ZNG1F: variants seen among roughly 807,000 people sequenced by gnomAD.
The protein encoded by ZNG1F is zinc-regulated GTPase metalloprotein activator 1F.
At chr9:41,183,586 C>T in the ZNG1F span, 1 of 1,596,414 alleles carries the variant, frequency 6.3e-7, no homozygotes, top group Middle Eastern at 1.7e-4. Context: ...CAGAGGCAAC[C>T]GTTTCTAAGT....
At chr9:41,158,830 T>G in the ZNG1F span, 40 of 65,112 alleles carry the variant, frequency 6.1e-4, no homozygotes, top group African/African-American at 2.3e-3. Flanking sequence ...CCTTTGGAGA[T>G]AAAACCATGA....
the ZNG1F span, chr9:41,183,453 CA>C: frequency 2.5e-6 from 3 of 1,196,490 alleles, no homozygotes; most frequent in Non-Finnish European, 3.4e-6. Flanking sequence ...TTTGAAAATA[CA>C]ATGAAGCAAA....
the ZNG1F span, among the ~76,000 whole-genome samples, chr9:41,193,081 T>C: frequency 1.5e-5 from 2 of 136,804 alleles, no homozygotes; most frequent in Non-Finnish European, 3.2e-5. Flanking sequence ...GCCCATTTTA[T>C]AGATGAGGAA....
At chr9:41,131,853 C>CA in the ZNG1F span, 1 of 384,218 alleles carries the variant, frequency 2.6e-6, no homozygotes, top group African/African-American at 3.4e-5. Flanking sequence ...GCAAACAAAA[C>CA]AAAATATGAC....
At chr9:41,199,901 T>A in the ZNG1F span, among the ~76,000 whole-genome samples, 4 of 147,232 alleles carry the variant, frequency 2.7e-5, no homozygotes, top group Non-Finnish European at 6.0e-5. Flanking sequence ...GCTCCTTTCA[T>A]TCATGGCTGG....
chr9:41,152,493 CA>C, the ZNG1F span, among the ~76,000 whole-genome samples: 1 of 141,388 alleles, frequency 7.1e-6, no homozygotes, highest in Non-Finnish European at 1.6e-5. Flanking sequence ...AGCTCTGCAC[CA>C]AGCAGACCTA....
At chr9:41,188,104 A>G in the ZNG1F span, 1 of 13,398 alleles carries the variant, frequency 7.5e-5, no homozygotes, top group South Asian at 4.2e-4. Context: ...CAGCCTCTGA[A>G]TAACTGTGGG....
At chr9:41,158,759 C>T in the ZNG1F span, 1 of 83,596 alleles carries the variant, frequency 1.2e-5, no homozygotes, top group Non-Finnish European at 2.4e-5. Context: ...AAAAGAAATT[C>T]TTCACTCATT....
At chr9:41,135,811 CT>C in the ZNG1F span, among the ~76,000 whole-genome samples, 1 of 134,988 alleles carries the variant, frequency 7.4e-6, no homozygotes, top group Non-Finnish European at 1.6e-5. Flanking sequence ...ACTCTCCTGA[CT>C]TTTCCTTTTG....
chr9:41,162,686 C>A, the ZNG1F span, among the ~76,000 whole-genome samples: 5 of 93,224 alleles, frequency 5.4e-5, 2 homozygotes, highest in African/African-American at 1.7e-4. Flanking sequence ...AAAAATCATT[C>A]ATAAATAGTC....
chr9:41,196,704 A>T, the ZNG1F span, among the ~76,000 whole-genome samples: 2 of 86,378 alleles, frequency 2.3e-5, no homozygotes, highest in South Asian at 4.1e-4. Flanking sequence ...TAAAATATAT[A>T]TACACACACA....
At chr9:41,204,388 T>TTATATATATATATATATA in the ZNG1F span, among the ~76,000 whole-genome samples, 2 of 20,226 alleles carry the variant, frequency 9.9e-5, no homozygotes, top group African/African-American at 2.4e-4. Context: ...AATTTTTATT[T>TTATATATATATATATATA]TATATATATA....
chr9:41,198,247 C>A, the ZNG1F span, among the ~76,000 whole-genome samples: 1 of 145,184 alleles, frequency 6.9e-6, no homozygotes, highest in Admixed American at 7.1e-5. Flanking sequence ...ACTAATAATA[C>A]AAAAATCTGC....
the ZNG1F span, among the ~76,000 whole-genome samples, chr9:41,180,660 A>ATG: frequency 9.3e-3 from 837 of 90,430 alleles, no homozygotes; most frequent in African/African-American, 0.027. Flanking sequence ...GTGTGTATGA[A>ATG]TGTGTGTGTG....
chr9:41,183,165 C>T, the ZNG1F span, among the ~76,000 whole-genome samples: 1 of 139,896 alleles, frequency 7.1e-6, no homozygotes, highest in African/African-American at 2.7e-5. Flanking sequence ...GATCACTGTC[C>T]TTGGAAACTT....
the ZNG1F span, chr9:41,146,004 A>T: frequency 1.5e-5 from 2 of 132,758 alleles, no homozygotes; most frequent in African/African-American, 5.7e-5. Context: ...AGGACTGAAA[A>T]CCTTGCAGAT....
chr9:41,195,517 C>T, the ZNG1F span, among the ~76,000 whole-genome samples: 3,496 of 125,064 alleles, frequency 0.028, 3 homozygotes, highest in African/African-American at 0.1. Flanking sequence ...TGTTTGAATT[C>T]ATTATCTTTG....
the ZNG1F span, among the ~76,000 whole-genome samples, chr9:41,137,037 T>A: frequency 1.0e-5 from 1 of 98,294 alleles, no homozygotes; most frequent in Admixed American, 1.2e-4. Context: ...TCTGCTGGGT[T>A]TGTTCTTGTT....
At chr9:41,176,770 C>T in the ZNG1F span, 1 of 148,794 alleles carries the variant, frequency 6.7e-6, no homozygotes, top group Non-Finnish European at 1.5e-5. Flanking sequence ...ATATGTATTA[C>T]AGCCTGACAA....
Sources: gnomAD v4.1 joint callset for allele counts (sites outside exome capture counted in the v4.1 genomes callset) on GRCh38, gnomAD v4.1.1 for gene constraint, MANE v1.5 for transcripts, NCBI Gene and HGNC (gene_info 2026-07-23, HGNC 2026-07-21) for gene names.